TJP1: variants seen among roughly 807,000 people sequenced by gnomAD.
TJP1 encodes tight junction protein ZO-1.
A neutral mutation model predicts 194.2 loss-of-function variants in TJP1; 43 were observed. The ratio of observed to expected loss-of-function variants is 0.22; its 90% CI spans 0.17 to 0.29. The LOEUF (loss-of-function observed/expected upper bound fraction) is 0.29. TJP1 is among the 10% of genes least tolerant of loss of function. The probability of loss-of-function intolerance (pLI) is 1.00; values close to 1 mark genes in which losing one functional copy is unlikely to be tolerated. For missense variants in TJP1, 1,971 were observed against 2,185.7 expected, an observed-to-expected ratio of 0.90 and a Z score of 1.96; for synonymous variants, 801 against 779.0, an observed-to-expected ratio of 1.03 and a Z score of -0.47.
At chr15:29,799,998 G>T (rs1187790092) in intron 2 of TJP1, among the ~76,000 whole-genome samples, 1 of 152,160 alleles carries the variant, frequency 6.6e-6, no homozygotes, top group African/African-American at 2.4e-5. Context: ...TTACAAATTG[G>T]TAAAGCATGA....
rs1248664840 is a variant in TJP1, at chr15:29,708,943, T to G, written c.4466A>C (p.Asn1489Thr). ...QNKPATFRPP[N>T]REDTAQAAFY... is the part of the protein sequence containing the mutation. ...AGCTGCCTGAGCAGTATCTTCTCGG[T>G]TTGGTGGTCTGAAAGTTGCTGGCTT... The change falls in exon 25 of 28, where the codon AAC becomes ACC. Residue 1489 changes from asparagine (N) to threonine (T), a missense_variant. Coordinates refer to ENST00000614355, the MANE Select transcript of TJP1 (RefSeq NM_001330239.4). The G allele has an allele frequency of 6.2e-7, 1 of 1,614,036 alleles. No individual in the cohort carries two copies. The highest frequency in any genetic ancestry group is 8.5e-7 in the Non-Finnish European group (1 of 1,180,030).
intron 4 of TJP1, among the ~76,000 whole-genome samples, chr15:29,768,642 T>A (rs1019312350): frequency 2.0e-5 from 3 of 152,134 alleles, no homozygotes; most frequent in Non-Finnish European, 2.9e-5. Context: ...TTTTGAGAAG[T>A]TCCTTACCAT....
chr15:29,806,756 A>G (rs1218765598), intron 1 of TJP1, among the ~76,000 whole-genome samples: 2 of 152,206 alleles, frequency 1.3e-5, no homozygotes, highest in African/African-American at 4.8e-5. Context: ...ATAATTTCAA[A>G]TTGTGATCAC....
At chr15:29,899,095 G>A (rs2053562618) in intron 2 of TJP1, among the ~76,000 whole-genome samples, 1 of 152,098 alleles carries the variant, frequency 6.6e-6, no homozygotes, top group African/African-American at 2.4e-5. Context: ...ATCCAATTAG[G>A]TTAATCTCTA....
intron 2 of TJP1, among the ~76,000 whole-genome samples, chr15:29,898,234 A>C (rs1043209561): frequency 2.6e-5 from 4 of 152,110 alleles, no homozygotes; most frequent in African/African-American, 7.2e-5. Context: ...ACAAGAACTG[A>C]TGGTTTTAAA....
intron 1 of TJP1, among the ~76,000 whole-genome samples, chr15:29,961,889 A>C (rs950140115): frequency 6.6e-6 from 1 of 152,156 alleles, no homozygotes; most frequent in Non-Finnish European, 1.5e-5. Flanking sequence ...GATAGCCAGC[A>C]CCTGCCCCAA....
intron 18 of TJP1, among the ~76,000 whole-genome samples, chr15:29,722,759 T>C (rs1213069271): frequency 2.0e-5 from 3 of 152,142 alleles, no homozygotes; most frequent in Admixed American, 6.5e-5. Flanking sequence ...TGCCAGTCCA[T>C]GAAAGGAGCT....
At chr15:29,772,200 A>G in intron 3 of TJP1, 34 bp from the exon 4 acceptor site, 1 of 1,310,356 alleles carries the variant, frequency 7.6e-7, no homozygotes, top group Non-Finnish European at 1.1e-6. Flanking sequence ...AATATGTTAG[A>G]GAAAAACATT....
At chr15:29,767,623 A>G (rs372907919) in intron 4 of TJP1, among the ~76,000 whole-genome samples, 6 of 151,928 alleles carry the variant, frequency 3.9e-5, no homozygotes, top group Admixed American at 3.3e-4. Flanking sequence ...GCTCTTGTTC[A>G]GCAATCCTTT....
At chr15:29,904,432 G>A (rs938545935) in intron 2 of TJP1, among the ~76,000 whole-genome samples, 1 of 152,116 alleles carries the variant, frequency 6.6e-6, no homozygotes, top group African/African-American at 2.4e-5. Context: ...GTCAGATCTG[G>A]ATTGCAGAGG....
intron 2 of TJP1, among the ~76,000 whole-genome samples, chr15:29,873,634 C>T (rs1341144435): frequency 3.3e-5 from 5 of 152,204 alleles, no homozygotes; most frequent in South Asian, 2.1e-4. Flanking sequence ...TTAATATTCT[C>T]ATCTGGTAGA....
At chr15:29,758,711 T>C (rs553729720) in intron 8 of TJP1, among the ~76,000 whole-genome samples, 1 of 152,316 alleles carries the variant, frequency 6.6e-6, no homozygotes, top group African/African-American at 2.4e-5. Flanking sequence ...TGTGTGTGTA[T>C]GTGTTGCGGC....
chr15:29,954,194 T>G (rs2055857988), intron 2 of TJP1, among the ~76,000 whole-genome samples: 1 of 152,190 alleles, frequency 6.6e-6, no homozygotes, highest in East Asian at 1.9e-4. Flanking sequence ...CTCTCCATAA[T>G]TTTAAAACAT....
At position 29,741,382 on chromosome 15, in the gene TJP1, C is replaced by A; in HGVS notation, c.1205G>T (p.Ser402Ile). The A allele has an allele frequency of 1.2e-6, 2 of 1,600,240 alleles. No individual in the cohort carries two copies. The highest frequency in any genetic ancestry group is 1.7e-6 in the Non-Finnish European group (2 of 1,176,278). The change falls in exon 10 of 28, where the codon AGT becomes ATT. Residue 402 changes from serine (S) to isoleucine (I), a missense_variant. By Grantham distance (142) the Ser-to-Ile change is moderately radical. Coordinates refer to ENST00000614355, the MANE Select transcript of TJP1 (RefSeq NM_001330239.4). ...ATTAGGTAGGACACCATCAGATGGA[C>A]TGACAGGTAAATCCACATCTGGTTG... The part of the protein sequence containing the change: ...VGQPDVDLPV[S>I]PSDGVLPNST...
At chr15:29,965,427 G>T (rs1300147173) in intron 1 of TJP1, among the ~76,000 whole-genome samples, 1 of 152,052 alleles carries the variant, frequency 6.6e-6, no homozygotes, top group Non-Finnish European at 1.5e-5. Flanking sequence ...GACCAGGCTG[G>T]TATCGACCTC....
intron 8 of TJP1, among the ~76,000 whole-genome samples, chr15:29,758,517 A>G (rs1222113574): frequency 6.6e-6 from 1 of 152,194 alleles, no homozygotes; most frequent in Non-Finnish European, 1.5e-5. Flanking sequence ...CATCAAAAAG[A>G]ATTTTCTAAG....
chr15:29,737,192 GCTTGTTGTTTGATAC>G, intron 11 of TJP1, 57 bp downstream of exon 11: 1 of 1,546,718 alleles, frequency 6.5e-7, no homozygotes, highest in Non-Finnish European at 8.8e-7. Flanking sequence ...ACAATAGTAA[GCTTGTTGTTTGATAC>G]CTTTTTCTGG....
chr15:29,794,909 T>A (rs990192620), intron 2 of TJP1, among the ~76,000 whole-genome samples: 1 of 152,040 alleles, frequency 6.6e-6, no homozygotes, highest in Non-Finnish European at 1.5e-5. Context: ...GAATAAAGAA[T>A]GTCACTGAAA....
Position 29,766,552 on chromosome 15 carries a change from A to T in TJP1, c.313-10T>A. Reference sequence around the variant, plus strand: ...TCTTCCTTCTAATTGTCTGCAAGTTAAAAAGGTTAAAAAATAAGTTGACTG... The same window carrying T: ...TCTTCCTTCTAATTGTCTGCAAGTTTAAAAGGTTAAAAAATAAGTTGACTG... On this transcript the variant is annotated splice_polypyrimidine_tract_variant and intron_variant, in intron 4 of 27. Coordinates refer to ENST00000614355, the MANE Select transcript of TJP1 (RefSeq NM_001330239.4). 1 of 1,525,308 alleles carries T rather than the reference A, an allele frequency of 6.6e-7. No individual in the cohort carries two copies. Among genetic ancestry groups the T allele is most frequent in the Non-Finnish European group, 8.8e-7 (1 of 1,139,364 alleles). The allele number at this position is 1,525,308 out of a possible 1,614,324, so 94.5% of individuals were successfully genotyped here.
Sources: allele counts gnomAD v4.1 joint callset (sites outside exome capture counted in the v4.1 genomes callset), GRCh38; gene constraint gnomAD v4.1.1; transcripts MANE v1.5; gene names NCBI Gene and HGNC (gene_info 2026-07-23, HGNC 2026-07-21).